Variants in SCUBE1 observed in about 807,000 individuals in gnomAD.
The protein encoded by SCUBE1 is signal peptide, CUB and EGF-like domain-containing protein 1.
In SCUBE1, 59 loss-of-function variants were observed where a neutral mutation model predicts 124.4. The ratio of observed to expected loss-of-function variants is 0.47; its 90% CI spans 0.38 to 0.59. The LOEUF (loss-of-function observed/expected upper bound fraction) is 0.59, where lower values mean the gene tolerates loss of function less well. Among genes scored for constraint, SCUBE1 ranks in the 20% least tolerant of loss-of-function variants. The probability of loss-of-function intolerance (pLI) is 0.00; values close to 1 mark genes in which losing one functional copy is unlikely to be tolerated. For missense variants in SCUBE1, 1,150 were observed against 1,371.2 expected (o/e 0.84, Z 2.55); for synonymous variants, 545 against 550.9 (o/e 0.99, Z 0.15).
chr22:43,267,386 G>A (rs973809816), intron 4 of SCUBE1, among the ~76,000 whole-genome samples: 3 of 152,212 alleles, frequency 2.0e-5, no homozygotes, highest in Admixed American at 1.3e-4. Flanking sequence ...CGGAACAGAT[G>A]AAGCGGGTTG....
chr22:43,210,650 A>C lies in SCUBE1; in HGVS notation c.2383+272T>G, dbSNP rs1345503569. Reference sequence around the variant, plus strand: ...CAGAAACTAGAGCAGGGCCTGGCCCAGGGCAGAGGCTTGGGCTGTGTTGGG... The same window carrying C: ...CAGAAACTAGAGCAGGGCCTGGCCCCGGGCAGAGGCTTGGGCTGTGTTGGG... On this transcript the variant is annotated intron_variant, in intron 18 of 21. Transcript: ENST00000360835. The surrounding 1 kb of genome is among the most constrained non-coding windows in gnomAD (Gnocchi z 4.5). Among the ~76,000 whole-genome samples the C allele has an allele frequency of 6.6e-6, 1 of 152,172 alleles. No homozygotes were observed. Among genetic ancestry groups the C allele is most frequent in the African/African-American group, 2.4e-5 (1 of 41,458 alleles).
intron 6 of SCUBE1, among the ~76,000 whole-genome samples, chr22:43,250,690 G>A (rs868652193): frequency 1.5e-4 from 23 of 152,144 alleles, no homozygotes; most frequent in African/African-American, 5.6e-4. Flanking sequence ...TGAGGTTGAG[G>A]TAAACACGGG....
chr22:43,317,065 A>G (rs1252724127), intron 3 of SCUBE1: 1 of 152,180 alleles, frequency 6.6e-6, no homozygotes, highest in Non-Finnish European at 1.5e-5. Context: ...GCCATAAAAA[A>G]CCAAATGGTC....
At chr22:43,319,838 A>C in intron 3 of SCUBE1, 99 bp downstream of exon 3, 1 of 1,464,538 alleles carries the variant, frequency 6.8e-7, no homozygotes, top group Non-Finnish European at 9.2e-7. Context: ...ACAGGAAGCC[A>C]AAGGAAGGAG....
At chr22:43,253,524 G>A (rs1923539555) in intron 6 of SCUBE1, among the ~76,000 whole-genome samples, 2 of 152,100 alleles carry the variant, frequency 1.3e-5, no homozygotes, top group Non-Finnish European at 2.9e-5. Context: ...GGGGTGCAGG[G>A]GAGGGTCCCC....
At chr22:43,281,540 T>TCACCCTCCTGTCACCTCCCCCTCAGC (rs1241818478) in intron 4 of SCUBE1, among the ~76,000 whole-genome samples, 11 of 40,724 alleles carry the variant, frequency 2.7e-4, no homozygotes, top group East Asian at 2.0e-3. Context: ...CCTCCCTCAG[T>TCACCCTCCTGTCACCTCCCCCTCAGC]CACCCTCCTG....
At chr22:43,288,633 G>A (rs1218814999) in intron 4 of SCUBE1, among the ~76,000 whole-genome samples, 1 of 152,198 alleles carries the variant, frequency 6.6e-6, no homozygotes, top group African/African-American at 2.4e-5. Context: ...TTTCTCATCA[G>A]CTCCAGCACC....
intron 3 of SCUBE1, among the ~76,000 whole-genome samples, chr22:43,307,704 C>T (rs114375094): frequency 0.012 from 1,823 of 152,290 alleles, 36 homozygotes; most frequent in African/African-American, 0.041. Context: ...TCTTGTCTCC[C>T]GTTCAGCCAC....
chr22:43,248,626 C>T (rs1397201309), intron 6 of SCUBE1, among the ~76,000 whole-genome samples: 4 of 152,236 alleles, frequency 2.6e-5, no homozygotes, highest in African/African-American at 9.6e-5. Context: ...CCTTCTCTAA[C>T]AGGAGCCCAG....
rs754718667 is a variant in SCUBE1, at chr22:43,220,607, C to T, written c.1550-20G>A. 1.2e-5 allele frequency: 20 copies of T among 1,610,888 alleles called. No homozygotes were observed. The highest frequency in any genetic ancestry group is 1.7e-5 in the Non-Finnish European group (20 of 1,178,102). On this transcript the variant is annotated intron_variant, in intron 13 of 21. Transcript: ENST00000360835. ...AGTGGTCTGGACGAGGAAAGGACCA[C>T]TGTGGCAAAGGCGGCATGGGGCAGG...
Position 43,210,982 on chromosome 22 carries a change from T to C in SCUBE1, c.2323A>G (p.Thr775Ala). 5 of 1,613,958 alleles carry C rather than the reference T, an allele frequency of 3.1e-6. No homozygotes were observed. Among genetic ancestry groups the C allele is most frequent in the Non-Finnish European group, 4.2e-6 (5 of 1,179,978 alleles). ...QPEFGQNHCI[T>A]CPGNTSTDFD... ...TCTGTGCTGGTGTTGCCCGGACAGG[T>C]GATGCAGTGGTTCTGGCCAAACTCG... is the stretch of plus-strand genomic sequence containing the variant. The change falls in exon 18 of 22, where the codon ACC (threonine) becomes GCC (alanine). Residue 775 changes from threonine (T) to alanine (A), a missense_variant. By Grantham distance (58) the Thr-to-Ala change is moderately conservative. This residue lies in a region of SCUBE1 where 757 missense variants were observed against 840.9 expected (regional missense o/e 0.90). Coordinates refer to ENST00000360835, the MANE Select transcript of SCUBE1 (RefSeq NM_173050.5). This position sits in a 1 kb window ranked among gnomAD's most constrained non-coding sequence, Gnocchi z 4.5.
Position 43,291,164 on chromosome 22 carries a change from C to T in SCUBE1, c.366G>A (p.Gln122=), listed in dbSNP as rs1176815870. The part of the protein sequence containing the change: ...GHNCLDVDEC[Q]DNNGGCQQIC... ...TCTGCTGGCAGCCACCATTATTGTC[C>T]TGACACTCGTCCACATCTGTGAGAA... The change falls in exon 4 of 22, where the codon CAG becomes CAA. Residue 122 remains glutamine, a synonymous_variant. Coordinates refer to ENST00000360835, the MANE Select transcript of SCUBE1 (RefSeq NM_173050.5). 104 of 1,611,210 alleles carry T rather than the reference C, an allele frequency of 6.5e-5. No individual in the cohort carries two copies. The highest frequency in any genetic ancestry group is 8.7e-5 in the Non-Finnish European group (102 of 1,177,658).
intron 4 of SCUBE1, among the ~76,000 whole-genome samples, chr22:43,289,309 C>T (rs1925266948): frequency 6.6e-6 from 1 of 152,216 alleles, no homozygotes; most frequent in African/African-American, 2.4e-5. Context: ...TTGCCTCCAC[C>T]GTGGGCAGCT....
chr22:43,245,040 C>T (rs143332213), intron 6 of SCUBE1, among the ~76,000 whole-genome samples: 3 of 152,262 alleles, frequency 2.0e-5, no homozygotes, highest in East Asian at 1.9e-4. Context: ...GCTGCTGAAC[C>T]CTCCATGGCT....
rs1197583996 is a variant in SCUBE1 at position 43,210,565 on chromosome 22, C to G, written c.2384-325G>C. On this transcript the variant is annotated intron_variant, in intron 18 of 21. Transcript: ENST00000360835. This position sits in a 1 kb window ranked among gnomAD's most constrained non-coding sequence, Gnocchi z 4.5. ...CAGGGGCACTGAGAGGGCCTGGAGCCCTGCTCTCTCTAGAGGCCCTGTCAG... is the reference window on the plus strand; with the variant it reads ...CAGGGGCACTGAGAGGGCCTGGAGCGCTGCTCTCTCTAGAGGCCCTGTCAG... Among the ~76,000 whole-genome samples the G allele has an allele frequency of 1.3e-5, 2 of 152,212 alleles. No homozygotes were observed. The highest frequency in any genetic ancestry group is 3.9e-4 in the East Asian group (2 of 5,180).
At chr22:43,312,187 A>G (rs1044464798) in intron 3 of SCUBE1, among the ~76,000 whole-genome samples, 4 of 152,248 alleles carry the variant, frequency 2.6e-5, no homozygotes, top group Non-Finnish European at 5.9e-5. Flanking sequence ...AAATGCCTAC[A>G]ATATATCTGA....
In SCUBE1 at chr22:43,252,123, G is replaced by A. The variant is rs530619080; in HGVS notation, c.727+6096C>T. ...TCTTTAAAGTAAACATACTTACTCC[G>A]TTCTTCACCTGTGCTCAGGGACTGG... On this transcript the variant is annotated intron_variant, in intron 6 of 21. Transcript: ENST00000360835. Among the ~76,000 whole-genome samples, 11 of 152,328 alleles carry A rather than the reference G, an allele frequency of 7.2e-5. No homozygotes were observed. In the East Asian group the frequency reaches 1.5e-3, roughly 21 times the overall value.
chr22:43,223,041 C>G, intron 11 of SCUBE1, 56 bp downstream of exon 11: 1 of 1,494,012 alleles, frequency 6.7e-7, no homozygotes, highest in Admixed American at 2.4e-5. Context: ...TGGTGGGACC[C>G]CAGGGAGGAA....
At chr22:43,228,710 G>C (rs1161872580) in intron 9 of SCUBE1, among the ~76,000 whole-genome samples, 2 of 151,776 alleles carry the variant, frequency 1.3e-5, no homozygotes, top group African/African-American at 4.9e-5. Flanking sequence ...CCTCTACTCT[G>C]CCCCTCTCTG....
Sources: gnomAD v4.1 joint callset for allele counts (sites outside exome capture counted in the v4.1 genomes callset) on GRCh38, gnomAD v4.1.1 for gene constraint, gnomAD v4.1.1 regional missense constraint, Gnocchi (gnomAD v3.1) non-coding constraint, MANE v1.5 for transcripts, NCBI Gene and HGNC (gene_info 2026-07-23, HGNC 2026-07-21) for gene names.